The following CLSTN2 variants were observed in gnomAD, a reference collection of about 807,000 sequenced individuals.
CLSTN2 encodes the protein calsyntenin-2.
Under a neutral mutation model 101.2 loss-of-function variants are expected in CLSTN2, and 48 were observed. The ratio of observed to expected loss-of-function variants is 0.47; its 90% CI spans 0.38 to 0.60. The LOEUF is 0.60. Among genes scored for constraint, CLSTN2 ranks in the 20% least tolerant of loss-of-function variants. The probability of loss-of-function intolerance (pLI) is 0.00; values close to 1 mark genes in which losing one functional copy is unlikely to be tolerated. For synonymous variants in CLSTN2, 481 were observed against 463.6 expected, an observed-to-expected ratio of 1.04 and a Z score of -0.48; for missense variants, 1,160 against 1,238.2, an observed-to-expected ratio of 0.94 and a Z score of 0.95.
intron 2 of CLSTN2, among the ~76,000 whole-genome samples, chr3:140,182,085 C>T (rs1045833657): frequency 1.2e-4 from 19 of 152,160 alleles, no homozygotes; most frequent in African/African-American, 4.6e-4. Flanking sequence ...AAGACATCTT[C>T]AATACCACTC....
chr3:140,322,615 A>C (rs562224757), intron 2 of CLSTN2, among the ~76,000 whole-genome samples: 21 of 152,362 alleles, frequency 1.4e-4, no homozygotes, highest in African/African-American at 5.1e-4. Flanking sequence ...TGAACCTTAA[A>C]AACACATTAA....
intron 2 of CLSTN2, among the ~76,000 whole-genome samples, chr3:140,203,884 A>G (rs568940593): frequency 1.8e-3 from 275 of 152,314 alleles, no homozygotes; most frequent in African/African-American, 5.9e-3. Context: ...GATTCTGTCT[A>G]ATTGGCAGAT....
intron 6 of CLSTN2, among the ~76,000 whole-genome samples, chr3:140,456,966 A>C (rs923039840): frequency 7.9e-5 from 12 of 151,814 alleles, no homozygotes; most frequent in African/African-American, 2.4e-4. Flanking sequence ...GTACCTCTCT[A>C]TATATATCCA....
chr3:140,185,220 A>G (rs752334191), intron 2 of CLSTN2, among the ~76,000 whole-genome samples: 4 of 152,160 alleles, frequency 2.6e-5, no homozygotes, highest in Admixed American at 6.5e-5. Context: ...AACTCTTTTC[A>G]TTCATCTTCA....
chr3:140,288,718 G>A (rs888918246), intron 2 of CLSTN2, among the ~76,000 whole-genome samples: 4 of 152,114 alleles, frequency 2.6e-5, no homozygotes, highest in Admixed American at 6.5e-5. Context: ...CTGTCATCAT[G>A]GCTATGGAAT....
chr3:140,371,267 G>C (rs1338491673), intron 2 of CLSTN2, among the ~76,000 whole-genome samples: 1 of 151,800 alleles, frequency 6.6e-6, no homozygotes, highest in African/African-American at 2.4e-5. Context: ...GCTGGCCTTT[G>C]AAGATAAGGG....
intron 8 of CLSTN2, among the ~76,000 whole-genome samples, chr3:140,471,411 C>CA (rs1933844977): frequency 6.6e-6 from 1 of 152,300 alleles, no homozygotes; most frequent in South Asian, 2.1e-4. Context: ...AATTGACCAG[C>CA]AAGCGCACAG....
intron 1 of CLSTN2, among the ~76,000 whole-genome samples, chr3:140,085,981 C>T (rs2008674657): frequency 6.6e-6 from 1 of 152,152 alleles, no homozygotes; most frequent in African/African-American, 2.4e-5. Context: ...GCACATTGAC[C>T]TGTTAGTGAG....
rs573355908 is a variant in CLSTN2 at position 140,354,021 on chromosome 3, C to G, written c.233-49608C>G. ...TAGCTTGGGAAATCAGCTCAATATTCACCCATCACACATTAAGTACTCAAG... is the reference window on the plus strand; with the variant it reads ...TAGCTTGGGAAATCAGCTCAATATTGACCCATCACACATTAAGTACTCAAG... On this transcript the variant is annotated intron_variant, in intron 2 of 16. Coordinates refer to ENST00000458420, the MANE Select transcript of CLSTN2 (RefSeq NM_022131.3). Among the ~76,000 whole-genome samples, 4 of 152,320 alleles carry G rather than the reference C, an allele frequency of 2.6e-5. No homozygotes were observed. The East Asian group carries it at 5.8e-4, about 22-fold the overall frequency.
intron 1 of CLSTN2, among the ~76,000 whole-genome samples, chr3:140,003,551 G>A (rs555820018): frequency 2.5e-4 from 38 of 152,178 alleles, no homozygotes; most frequent in African/African-American, 8.7e-4. Context: ...CTCCAGCTAG[G>A]ACTTCCAGTA....
chr3:140,514,424 G>C (rs1339460920), intron 8 of CLSTN2, among the ~76,000 whole-genome samples: 1 of 152,038 alleles, frequency 6.6e-6, no homozygotes, highest in Non-Finnish European at 1.5e-5. Context: ...TTCCACCCAG[G>C]TTGCTGTGAA....
At chr3:140,473,114 A>G (rs942088084) in intron 8 of CLSTN2, among the ~76,000 whole-genome samples, 1 of 152,170 alleles carries the variant, frequency 6.6e-6, no homozygotes, top group Non-Finnish European at 1.5e-5. Context: ...TGCATATCCC[A>G]TTTGTTCTGC....
intron 6 of CLSTN2, chr3:140,454,433 A>G (rs1382374437): frequency 1.3e-5 from 2 of 152,170 alleles, no homozygotes; most frequent in Non-Finnish European, 2.9e-5. Context: ...AAGTGAAATG[A>G]TAGTTTTATT....
At chr3:140,106,485 C>T (rs28628531) in intron 1 of CLSTN2, among the ~76,000 whole-genome samples, 1 of 152,170 alleles carries the variant, frequency 6.6e-6, no homozygotes. Context: ...GAGGTGGGGT[C>T]TTTGTTGTTT....
At chr3:140,224,854 A>G (rs2086304853) in intron 2 of CLSTN2, among the ~76,000 whole-genome samples, 1 of 152,176 alleles carries the variant, frequency 6.6e-6, no homozygotes, top group Non-Finnish European at 1.5e-5. Context: ...AAACACATGA[A>G]GGAAAATACT....
intron 1 of CLSTN2, among the ~76,000 whole-genome samples, chr3:140,005,050 G>A (rs2006926073): frequency 6.6e-6 from 1 of 152,138 alleles, no homozygotes. Context: ...GTGGTGGTCT[G>A]TGGCTAGCCC....
chr3:140,489,785 T>G (rs1934307239), intron 8 of CLSTN2, among the ~76,000 whole-genome samples: 1 of 151,656 alleles, frequency 6.6e-6, no homozygotes, highest in Non-Finnish European at 1.5e-5. Context: ...CATTACCCAT[T>G]ACTCAGATGT....
At chr3:140,333,906 G>T (rs1326184268) in intron 2 of CLSTN2, among the ~76,000 whole-genome samples, 1 of 152,102 alleles carries the variant, frequency 6.6e-6, no homozygotes, top group Non-Finnish European at 1.5e-5. Context: ...ACTTTTATGA[G>T]CAGATCAGAT....
chr3:140,200,943 C>T (rs1211307517), intron 2 of CLSTN2, among the ~76,000 whole-genome samples: 10 of 152,156 alleles, frequency 6.6e-5, no homozygotes. Context: ...ATAGCATAAC[C>T]TTGAAACTGC....
Sources: allele counts gnomAD v4.1 joint callset (sites outside exome capture counted in the v4.1 genomes callset), GRCh38; gene constraint gnomAD v4.1.1; transcripts MANE v1.5; gene names NCBI Gene and HGNC (gene_info 2026-07-23, HGNC 2026-07-21).